TSHZ2: variants seen among roughly 807,000 people sequenced by gnomAD.
TSHZ2 encodes teashirt zinc finger homeobox 2.
A neutral mutation model predicts 74.4 loss-of-function variants in TSHZ2; 21 were observed. The observed-to-expected ratio is 0.28, with a 90% confidence interval of 0.20 to 0.41. TSHZ2 has a LOEUF of 0.41. TSHZ2 is among the 10% of genes least tolerant of loss of function. The pLI is 1.00. For synonymous variants in TSHZ2, 540 were observed against 515.3 expected, an observed-to-expected ratio of 1.05 and a Z score of -0.65; for missense variants, 1,244 against 1,293.5, an observed-to-expected ratio of 0.96 and a Z score of 0.59.
At chr20:53,017,381 G>A (rs1056067526) in intron 1 of TSHZ2, among the ~76,000 whole-genome samples, 22 of 152,146 alleles carry the variant, frequency 1.4e-4, no homozygotes, top group Non-Finnish European at 2.8e-4. Flanking sequence ...CTCTCAAAGT[G>A]CAGTGGATGT....
At position 53,275,930 on chromosome 20, in the gene TSHZ2, A is replaced by G. The variant is rs143056809; in HGVS notation, c.*8+19359A>G. On this transcript the variant is annotated intron_variant, in intron 2 of 2. Coordinates refer to ENST00000371497, the MANE Select transcript of TSHZ2 (RefSeq NM_173485.6). ...TAACAAGAGCGAAACTCCGTCTCAA[A>G]AACAAACAAACAAACAAAACTATTC... 6.4e-3 allele frequency among the ~76,000 whole-genome samples: 979 copies of G among 152,074 alleles called. 12 individuals are homozygous for G. The highest frequency in any genetic ancestry group is 0.022 in the African/African-American group (918 of 41,368).
chr20:53,344,639 A>G (rs527853958), intron 2 of TSHZ2, among the ~76,000 whole-genome samples: 4 of 152,330 alleles, frequency 2.6e-5, no homozygotes, highest in East Asian at 1.9e-4. Context: ...AAATGAGGGG[A>G]AAAATGGCAC....
intron 1 of TSHZ2, among the ~76,000 whole-genome samples, chr20:53,027,997 C>T (rs769748797): frequency 3.3e-5 from 5 of 152,144 alleles, no homozygotes; most frequent in South Asian, 2.1e-4. Flanking sequence ...ATCCAGGAGA[C>T]GGGGCTTGTG....
intron 1 of TSHZ2, among the ~76,000 whole-genome samples, chr20:53,214,795 T>G (rs1989396660): frequency 1.3e-5 from 2 of 152,160 alleles, no homozygotes; most frequent in Non-Finnish European, 2.9e-5. Context: ...GAGTGTCCAG[T>G]GCCTGCCTGT....
intron 1 of TSHZ2, among the ~76,000 whole-genome samples, chr20:53,012,096 C>A (rs1205827751): frequency 2.0e-5 from 3 of 152,172 alleles, no homozygotes; most frequent in Admixed American, 1.3e-4. Flanking sequence ...CATGACTGTT[C>A]AGAGAGGTAC....
intron 2 of TSHZ2, among the ~76,000 whole-genome samples, chr20:53,266,764 G>A (rs1450793704): frequency 5.5e-5 from 8 of 146,596 alleles, no homozygotes; most frequent in Admixed American, 2.1e-4. Context: ...AGGGGAGGCC[G>A]ATCGACGATT....
At chr20:53,044,771 G>A (rs566485103) in intron 1 of TSHZ2, among the ~76,000 whole-genome samples, 36 of 152,232 alleles carry the variant, frequency 2.4e-4, no homozygotes, top group Admixed American at 5.9e-4. Flanking sequence ...GTACAGTGAT[G>A]CAATCACAGC....
At chr20:53,122,385 G>C (rs1301172083) in intron 1 of TSHZ2, among the ~76,000 whole-genome samples, 1 of 151,698 alleles carries the variant, frequency 6.6e-6, no homozygotes, top group Non-Finnish European at 1.5e-5. Context: ...ATCAGCAGTA[G>C]CATCTAGTTG....
chr20:53,439,714 T>C (rs1568917943), intron 2 of TSHZ2, among the ~76,000 whole-genome samples: 1 of 152,240 alleles, frequency 6.6e-6, no homozygotes, highest in Non-Finnish European at 1.5e-5. Context: ...CTGTGTCTGT[T>C]CTTTTAATTC....
chr20:53,204,964 AC>A lies in TSHZ2; in HGVS notation c.41-48533del, dbSNP rs199746055. Among the ~76,000 whole-genome samples the A allele has an allele frequency of 6.9e-3, 1,041 of 151,860 alleles. 12 individuals carry two copies. The highest frequency in any genetic ancestry group is 0.024 in the African/African-American group (1,011 of 41,426). The stretch of plus-strand genomic sequence containing the variant: ...AAAAATTAGCCGGCGCCATGTGTGC[AC>A]CTGTAGTCCCAGCTACTCAGGAGGC... On this transcript the variant is annotated intron_variant, in intron 1 of 2. Transcript: ENST00000371497.
At chr20:53,063,706 G>A (rs1984889891) in intron 1 of TSHZ2, among the ~76,000 whole-genome samples, 1 of 152,174 alleles carries the variant, frequency 6.6e-6, no homozygotes, top group Non-Finnish European at 1.5e-5. Context: ...GATTTGCCCA[G>A]GTACTCAACT....
chr20:53,149,372 C>T (rs1987621313), intron 1 of TSHZ2, among the ~76,000 whole-genome samples: 1 of 151,938 alleles, frequency 6.6e-6, no homozygotes, highest in Non-Finnish European at 1.5e-5. Context: ...AAAAAGGGGG[C>T]TTTCCAAAGA....
intron 1 of TSHZ2, among the ~76,000 whole-genome samples, chr20:53,238,864 G>T (rs1368711505): frequency 7.1e-6 from 1 of 140,886 alleles, no homozygotes; most frequent in African/African-American, 2.6e-5. Context: ...AAAAAAAAGA[G>T]CTACGCTACC....
At chr20:53,274,347 C>T (rs141891441) in intron 2 of TSHZ2, among the ~76,000 whole-genome samples, 1 of 152,350 alleles carries the variant, frequency 6.6e-6, no homozygotes, top group East Asian at 1.9e-4. Flanking sequence ...AAAGGTCCCG[C>T]TGTGCTCGCC....
intron 1 of TSHZ2, among the ~76,000 whole-genome samples, chr20:53,213,119 G>T (rs942320494): frequency 6.6e-6 from 1 of 152,172 alleles, no homozygotes; most frequent in Admixed American, 6.5e-5. Flanking sequence ...TTCAGTTTTT[G>T]TTGATTTATG....
rs368550831 is a variant in TSHZ2 at position 53,243,832 on chromosome 20, T to C, written c.41-9667T>C. On this transcript the variant is annotated intron_variant, in intron 1 of 2. Transcript: ENST00000371497. ...TTGCTTGCTTGCTTGCTTTTTTTTT[T>C]TTTCTTTCTTTCTTTCTTCTTAATG... 3.0e-3 allele frequency among the ~76,000 whole-genome samples: 459 copies of C among 151,844 alleles called. 5 individuals carry two copies. Among genetic ancestry groups the C allele is most frequent in the African/African-American group, 9.5e-3 (393 of 41,378 alleles).
intron 1 of TSHZ2, among the ~76,000 whole-genome samples, chr20:53,241,531 T>C (rs1328014572): frequency 6.6e-6 from 1 of 152,200 alleles, no homozygotes. Context: ...AATGAATTGA[T>C]TGAGAATAAT....
intron 2 of TSHZ2, among the ~76,000 whole-genome samples, chr20:53,332,625 T>G (rs2145551469): frequency 6.6e-6 from 1 of 152,158 alleles, no homozygotes; most frequent in South Asian, 2.1e-4. Context: ...GAAAGCCAAA[T>G]GGAATGACGA....
chr20:53,124,049 A>G (rs568647603), intron 1 of TSHZ2, among the ~76,000 whole-genome samples: 1 of 152,214 alleles, frequency 6.6e-6, no homozygotes, highest in African/African-American at 2.4e-5. Flanking sequence ...AATCATCTTA[A>G]TTTTCTCTTT....
Sources: allele counts gnomAD v4.1 joint callset (sites outside exome capture counted in the v4.1 genomes callset), GRCh38; gene constraint gnomAD v4.1.1; transcripts MANE v1.5; gene names NCBI Gene and HGNC (gene_info 2026-07-23, HGNC 2026-07-21).